Variants in ABTB3 observed in about 807,000 individuals in gnomAD.
The protein encoded by ABTB3 is ankyrin repeat- and BTB/POZ domain-containing protein 3.
the ABTB3 span, among the ~76,000 whole-genome samples, chr12:107,355,336 G>A: frequency 2.6e-5 from 4 of 152,220 alleles, no homozygotes; most frequent in African/African-American, 9.6e-5. Context: ...GCCTGTGTGG[G>A]CCCCAGCCCA....
chr12:107,410,867 G>A, the ABTB3 span, among the ~76,000 whole-genome samples: 1 of 152,178 alleles, frequency 6.6e-6, no homozygotes, highest in Non-Finnish European at 1.5e-5. Flanking sequence ...GATAGATCAA[G>A]CTGCAGGTGG....
chr12:107,379,375 G>GT, the ABTB3 span, among the ~76,000 whole-genome samples: 1 of 152,068 alleles, frequency 6.6e-6, no homozygotes, highest in Non-Finnish European at 1.5e-5. Flanking sequence ...ATGGGGGTGG[G>GT]TTTTTCCTGT....
chr12:107,605,387 T>C, the ABTB3 span, among the ~76,000 whole-genome samples: 2 of 152,180 alleles, frequency 1.3e-5, no homozygotes, highest in Admixed American at 6.5e-5. Context: ...AAAATTGGCC[T>C]GGAGAGCCCT....
the ABTB3 span, chr12:107,319,912 C>G: frequency 4.1e-6 from 6 of 1,453,148 alleles, no homozygotes; most frequent in Non-Finnish European, 5.5e-6. Flanking sequence ...CCGCCGCAGT[C>G]CCGCCGGCAG....
the ABTB3 span, among the ~76,000 whole-genome samples, chr12:107,614,115 A>T: frequency 6.6e-6 from 1 of 152,046 alleles, no homozygotes; most frequent in African/African-American, 2.4e-5. Flanking sequence ...TGCTTAGTGA[A>T]CCAAACTGCT....
At chr12:107,422,675 TTGAA>T in the ABTB3 span, among the ~76,000 whole-genome samples, 2 of 152,102 alleles carry the variant, frequency 1.3e-5, no homozygotes, top group Admixed American at 6.5e-5. Context: ...TGCTAACAGA[TTGAA>T]TGAGGAGATA....
chr12:107,596,179 C>G, the ABTB3 span, among the ~76,000 whole-genome samples: 1 of 152,168 alleles, frequency 6.6e-6, no homozygotes, highest in African/African-American at 2.4e-5. Context: ...ATCTGTAATA[C>G]CAGAACATAT....
the ABTB3 span, among the ~76,000 whole-genome samples, chr12:107,450,806 A>C: frequency 1.0e-3 from 155 of 152,016 alleles, no homozygotes; most frequent in African/African-American, 3.5e-3. Flanking sequence ...GAGAGGCAGG[A>C]GGGGGAGGGG....
chr12:107,332,037 G>A, the ABTB3 span, among the ~76,000 whole-genome samples: 122,740 of 152,242 alleles, frequency 0.81, 49,810 homozygotes, highest in East Asian at 1. Flanking sequence ...TGATGGCCCC[G>A]TAATGTGGAG....
chr12:107,615,276 C>G, the ABTB3 span: 1 of 747,756 alleles, frequency 1.3e-6, no homozygotes, highest in African/African-American at 1.8e-5. Flanking sequence ...TGGTTAACTG[C>G]AATTCAATAT....
At chr12:107,596,643 A>T in the ABTB3 span, among the ~76,000 whole-genome samples, 2 of 152,062 alleles carry the variant, frequency 1.3e-5, no homozygotes, top group South Asian at 4.1e-4. Context: ...ACAACCAAAA[A>T]ATAGTCTTCA....
chr12:107,455,187 C>T, the ABTB3 span, among the ~76,000 whole-genome samples: 69 of 152,352 alleles, frequency 4.5e-4, no homozygotes, highest in African/African-American at 1.4e-3. Context: ...ATTTGAATCC[C>T]GTCTCTCTGA....
the ABTB3 span, among the ~76,000 whole-genome samples, chr12:107,614,501 C>T: frequency 6.6e-6 from 1 of 152,138 alleles, no homozygotes; most frequent in Admixed American, 6.5e-5. Flanking sequence ...TTTGCCACCA[C>T]TGAGAATCTC....
the ABTB3 span, among the ~76,000 whole-genome samples, chr12:107,345,509 G>T: frequency 6.6e-6 from 1 of 152,180 alleles, no homozygotes; most frequent in Non-Finnish European, 1.5e-5. Flanking sequence ...GCAGAAGGGG[G>T]GGATTATTGG....
chr12:107,344,341 C>A, the ABTB3 span, among the ~76,000 whole-genome samples: 1 of 152,156 alleles, frequency 6.6e-6, no homozygotes, highest in Non-Finnish European at 1.5e-5. Flanking sequence ...CCCACCACTA[C>A]CACCCAATCA....
At chr12:107,622,608 A>G in the ABTB3 span, among the ~76,000 whole-genome samples, 1 of 152,092 alleles carries the variant, frequency 6.6e-6, no homozygotes, top group Non-Finnish European at 1.5e-5. Flanking sequence ...CAGCCTCCCA[A>G]GTGGCTGGGA....
At chr12:107,640,088 T>C in the ABTB3 span, among the ~76,000 whole-genome samples, 1 of 152,278 alleles carries the variant, frequency 6.6e-6, no homozygotes, top group East Asian at 1.9e-4. Flanking sequence ...AAATGCTACT[T>C]TTAATCACAA....
the ABTB3 span, among the ~76,000 whole-genome samples, chr12:107,352,828 G>A: frequency 2.0e-5 from 3 of 152,158 alleles, no homozygotes; most frequent in Non-Finnish European, 4.4e-5. Flanking sequence ...GGGTTGGAGA[G>A]AATGAGTGGG....
At chr12:107,480,806 A>G in the ABTB3 span, among the ~76,000 whole-genome samples, 1 of 152,188 alleles carries the variant, frequency 6.6e-6, no homozygotes, top group Non-Finnish European at 1.5e-5. Context: ...ACACAGTGAA[A>G]AACCACTGTA....
Sources: allele counts gnomAD v4.1 joint callset (sites outside exome capture counted in the v4.1 genomes callset), GRCh38; gene constraint gnomAD v4.1.1; transcripts MANE v1.5; gene names NCBI Gene and HGNC (gene_info 2026-07-23, HGNC 2026-07-21).